CAND1: variants seen among roughly 807,000 people sequenced by gnomAD.
The protein encoded by CAND1 is cullin-associated NEDD8-dissociated protein 1.
In CAND1, 7 loss-of-function variants were observed where a neutral mutation model predicts 108.5. That is an observed-to-expected ratio of 0.06 (90% CI 0.04 to 0.12). The LOEUF (loss-of-function observed/expected upper bound fraction) is 0.12. CAND1 is among the 10% of genes least tolerant of loss of function. The pLI is 1.00. For synonymous variants in CAND1, 534 were observed against 512.0 expected, an observed-to-expected ratio of 1.04 and a Z score of -0.58; for missense variants, 941 against 1,448.7, an observed-to-expected ratio of 0.65 and a Z score of 5.69.
intron 2 of CAND1, among the ~76,000 whole-genome samples, chr12:67,283,310 G>A (rs1235621441): frequency 6.6e-6 from 1 of 152,172 alleles, no homozygotes; most frequent in Non-Finnish European, 1.5e-5. Context: ...TTGTATGGGA[G>A]TGGTGGTTCA....
chr12:67,277,111 T>TA (rs1471630052), intron 1 of CAND1, among the ~76,000 whole-genome samples: 1 of 152,350 alleles, frequency 6.6e-6, no homozygotes, highest in East Asian at 1.9e-4. Flanking sequence ...TCTTTCCTGC[T>TA]AGCTCATCCT....
At chr12:67,310,562 A>T (rs1007685165) in intron 13 of CAND1, 2 of 316,698 alleles carry the variant, frequency 6.3e-6, no homozygotes, top group Non-Finnish European at 1.2e-5. Context: ...CTGTGTGCCC[A>T]CTTGCTTAGT....
chr12:67,281,975 G>T lies in CAND1; in HGVS notation c.134G>T (p.Ser45Ile). ...QKDSIKLDDDSERKVVKMILK... is the reference protein window; with the variant it reads ...QKDSIKLDDDIERKVVKMILK... ...GATTCCATCAAGTTGGATGATGATAGTGAAAGGAAAGTAGTGAAAATGATT... is the reference window on the plus strand; with the variant it reads ...GATTCCATCAAGTTGGATGATGATATTGAAAGGAAAGTAGTGAAAATGATT... The change falls in exon 2 of 15, where the codon AGT (serine) becomes ATT (isoleucine). Residue 45 changes from serine (S) to isoleucine (I), a missense_variant. By Grantham distance (142) the Ser-to-Ile change is moderately radical. Coordinates refer to ENST00000545606, the MANE Select transcript of CAND1 (RefSeq NM_018448.5). 1 of 1,611,438 alleles carries T rather than the reference G, an allele frequency of 6.2e-7. No homozygotes were observed. The highest frequency in any genetic ancestry group is 8.5e-7 in the Non-Finnish European group (1 of 1,178,140).
At chr12:67,292,205 T>G (rs1223020124) in intron 2 of CAND1, among the ~76,000 whole-genome samples, 5 of 152,080 alleles carry the variant, frequency 3.3e-5, no homozygotes, top group African/African-American at 4.8e-5. Context: ...AGCCATGGTG[T>G]TGTGCCCTTG....
chr12:67,294,815 A>G (rs2044753967), intron 3 of CAND1: 1 of 261,210 alleles, frequency 3.8e-6, no homozygotes. Context: ...TCTCATGATC[A>G]GGTGTGGAGT....
intron 10 of CAND1, 108 bp downstream of exon 10, chr12:67,306,705 A>C: frequency 1.3e-6 from 1 of 797,528 alleles, no homozygotes; most frequent in African/African-American, 1.7e-5. Context: ...TTAAACCTAA[A>C]AGCTAAGTAT....
Position 67,313,015 on chromosome 12 carries a change from T to C in CAND1, c.*185T>C. The C allele has an allele frequency of 1.9e-6, 1 of 521,744 alleles. No individual in the cohort carries two copies. Among genetic ancestry groups the C allele is most frequent in the Non-Finnish European group, 3.4e-6 (1 of 294,858 alleles). 32.3% of individuals were successfully genotyped at this position (521,744 alleles called of 1,614,324 possible). On this transcript the variant is annotated 3_prime_UTR_variant, in exon 15 of 15. Coordinates refer to ENST00000545606, the MANE Select transcript of CAND1 (RefSeq NM_018448.5). ...TTTTGTAGCATTTATTTCAGAAATG[T>C]GTATTTCCATAATCCAGAGGTTGTA...
intron 1 of CAND1, among the ~76,000 whole-genome samples, chr12:67,271,948 G>C (rs1235912517): frequency 6.6e-6 from 1 of 152,178 alleles, no homozygotes; most frequent in Non-Finnish European, 1.5e-5. Context: ...ATTAGTGAGC[G>C]TTTGGAGTCA....
intron 2 of CAND1, among the ~76,000 whole-genome samples, chr12:67,283,147 G>C (rs2044635809): frequency 6.6e-6 from 1 of 152,066 alleles, no homozygotes; most frequent in Non-Finnish European, 1.5e-5. Context: ...TTTTAAATTT[G>C]TTTTAGCCTA....
chr12:67,299,706 A>G (rs2044805991), intron 7 of CAND1, among the ~76,000 whole-genome samples: 1 of 152,136 alleles, frequency 6.6e-6, no homozygotes, highest in African/African-American at 2.4e-5. Context: ...ACGATGATTT[A>G]TGATATTTAC....
chr12:67,315,688 C>T lies in CAND1; in HGVS notation c.*2858C>T, dbSNP rs1032277069. 1.3e-4 allele frequency: 19 copies of T among 151,670 alleles called. No individual in the cohort carries two copies. The highest frequency in any genetic ancestry group is 2.5e-4 in the Non-Finnish European group (17 of 67,936). The allele number at this position is 151,670 out of a possible 1,614,324, so 9.4% of individuals were successfully genotyped here. A position where few individuals can be genotyped will look rare whatever the true frequency, so the allele number is the denominator to read the frequency against. ...TAATTTTTATGTAACCATAATTAAA[C>T]CAAATTAGTCTTTTTTTCTTCATAC... On this transcript the variant is annotated 3_prime_UTR_variant, in exon 15 of 15. Coordinates refer to ENST00000545606, the MANE Select transcript of CAND1 (RefSeq NM_018448.5).
At chr12:67,276,377 C>T (rs1369968651) in intron 1 of CAND1, among the ~76,000 whole-genome samples, 2 of 152,138 alleles carry the variant, frequency 1.3e-5, no homozygotes, top group African/African-American at 2.4e-5. Flanking sequence ...ATATGGGCAT[C>T]CTGACACGAG....
At chr12:67,277,051 A>G (rs1348091104) in intron 1 of CAND1, among the ~76,000 whole-genome samples, 1 of 152,198 alleles carries the variant, frequency 6.6e-6, no homozygotes, top group Non-Finnish European at 1.5e-5. Flanking sequence ...ACTCTGGACA[A>G]GGATATGTTA....
intron 6 of CAND1, among the ~76,000 whole-genome samples, chr12:67,298,315 G>GTTGTGTATTTGTGTATTTGTGTATTT: frequency 6.6e-6 from 1 of 152,150 alleles, no homozygotes; most frequent in African/African-American, 2.4e-5. Context: ...TGTACTAGAA[G>GTTGTGTATTTGTGTATTTGTGTATTT]GCAATACAAG....
intron 1 of CAND1, chr12:67,270,003 C>T (rs1035378568): frequency 2.1e-5 from 11 of 516,674 alleles, no homozygotes; most frequent in Non-Finnish European, 3.4e-5. Flanking sequence ...AGGCAGTTGC[C>T]CGCCGCGGTC....
At chr12:67,279,713 C>A (rs138988152) in intron 1 of CAND1, among the ~76,000 whole-genome samples, 9 of 152,190 alleles carry the variant, frequency 5.9e-5, no homozygotes, top group Non-Finnish European at 1.3e-4. Flanking sequence ...GTCCTGATTT[C>A]TTAGTCCAGA....
In CAND1 at chr12:67,306,401, T is replaced by C. The variant is rs2044886165; in HGVS notation, c.2733T>C (p.His911=). ...CCAAAAGGCAGTATCTTTTACTTCA[T>C]TCCTTGAAGGAAATTATTAGCTCTG... ...SQPKRQYLLL[H]SLKEIISSAS... Residue 911 remains histidine, a synonymous_variant, in exon 10 of 15, where the codon CAT becomes CAC. Coordinates refer to ENST00000545606, the MANE Select transcript of CAND1 (RefSeq NM_018448.5). 9 of 1,613,928 alleles carry C rather than the reference T, an allele frequency of 5.6e-6. No individual in the cohort carries two copies. The highest frequency in any genetic ancestry group is 6.8e-6 in the Non-Finnish European group (8 of 1,179,936).
intron 2 of CAND1, among the ~76,000 whole-genome samples, chr12:67,287,090 G>T (rs182442399): frequency 3.6e-4 from 55 of 152,176 alleles, no homozygotes; most frequent in African/African-American, 1.2e-3. Context: ...TTACTCTTTG[G>T]GCCAGATAAT....
chr12:67,304,428 TATATA>T (rs2044858015), intron 8 of CAND1, among the ~76,000 whole-genome samples, 172 bp from the exon 9 acceptor site: 2 of 152,336 alleles, frequency 1.3e-5, no homozygotes, highest in African/African-American at 4.8e-5. Context: ...CAAGAGAACA[TATATA>T]ATACATGCAA....
Sources: gnomAD v4.1 joint callset for allele counts (sites outside exome capture counted in the v4.1 genomes callset) on GRCh38, gnomAD v4.1.1 for gene constraint, MANE v1.5 for transcripts, NCBI Gene and HGNC (gene_info 2026-07-23, HGNC 2026-07-21) for gene names.